The following GLI2 variants were observed in gnomAD, a reference collection of about 807,000 sequenced individuals.
The protein encoded by GLI2 is GLI family zinc finger 2, also known as transcription activator GLI2.
Under a neutral mutation model 78.9 loss-of-function variants are expected in GLI2, and 22 were observed. That is an observed-to-expected ratio of 0.28 (90% CI 0.20 to 0.40). GLI2 has a LOEUF of 0.40. Ranked by LOEUF, GLI2 falls within the 10% of genes least tolerant of loss-of-function variation. The probability of loss-of-function intolerance (pLI) is 1.00; values close to 1 mark genes in which losing one functional copy is unlikely to be tolerated. For synonymous variants in GLI2, 974 were observed against 963.7 expected (o/e 1.01, Z -0.20); for missense variants, 2,097 against 2,213.2 (o/e 0.95, Z 1.05).
intron 2 of GLI2, among the ~76,000 whole-genome samples, chr2:120,878,865 T>C (rs1026541395): frequency 1.3e-5 from 2 of 150,818 alleles, no homozygotes; most frequent in Non-Finnish European, 3.0e-5. Flanking sequence ...GAGGCAGAGG[T>C]TGCAGTGAAC....
chr2:120,871,739 C>G (rs1688441932), intron 2 of GLI2, among the ~76,000 whole-genome samples: 2 of 152,236 alleles, frequency 1.3e-5, no homozygotes, highest in African/African-American at 4.8e-5. Flanking sequence ...CCTGGGGTAG[C>G]AGCTACTTGC....
At chr2:120,845,932 A>T (rs967274040) in intron 2 of GLI2, among the ~76,000 whole-genome samples, 1 of 152,122 alleles carries the variant, frequency 6.6e-6, no homozygotes, top group African/African-American at 2.4e-5. Context: ...CAATTTACAG[A>T]TGGGAAAACT....
At chr2:120,806,462 A>C (rs1684955042) in intron 2 of GLI2, among the ~76,000 whole-genome samples, 1 of 149,810 alleles carries the variant, frequency 6.7e-6, no homozygotes. Context: ...GCAGTGTCTG[A>C]GCCTGGGGAC....
At chr2:120,924,008 A>ATCCTGAG (rs1420762243) in intron 2 of GLI2, among the ~76,000 whole-genome samples, 1 of 152,162 alleles carries the variant, frequency 6.6e-6, no homozygotes, top group Non-Finnish European at 1.5e-5. Flanking sequence ...TGAATCCTGA[A>ATCCTGAG]TCCTGAGCAG....
chr2:120,934,592 G>C (rs536412327), intron 3 of GLI2, among the ~76,000 whole-genome samples: 1 of 152,206 alleles, frequency 6.6e-6, no homozygotes. Flanking sequence ...CCAGGCCCAG[G>C]TATGTTAGGG....
chr2:120,794,148 C>G (rs1030804327), intron 1 of GLI2, among the ~76,000 whole-genome samples: 3 of 152,198 alleles, frequency 2.0e-5, no homozygotes, highest in Non-Finnish European at 4.4e-5. Flanking sequence ...AGGACATGAT[C>G]TGACTGCTTC....
intron 2 of GLI2, among the ~76,000 whole-genome samples, chr2:120,870,969 G>A (rs1461739188): frequency 6.6e-6 from 1 of 152,218 alleles, no homozygotes; most frequent in Non-Finnish European, 1.5e-5. Flanking sequence ...GGAACACTCA[G>A]GATTTTGAAC....
At chr2:120,906,089 C>T (rs1678517424) in intron 2 of GLI2, among the ~76,000 whole-genome samples, 1 of 152,234 alleles carries the variant, frequency 6.6e-6, no homozygotes, top group South Asian at 2.1e-4. Flanking sequence ...TGCCAGCAGC[C>T]ACACCTACTT....
Position 120,807,165 on chromosome 2 carries a change from C to T in GLI2, c.148+9697C>T, listed in dbSNP as rs766193395. On this transcript the variant is annotated intron_variant, in intron 2 of 13. Transcript: ENST00000361492. Reference sequence around the variant, plus strand: ...AGGGCTTGGGCAAGCCCCCTGGGGACGATGCAGGGAGCCATCAGCCCCAGG... The same window carrying T: ...AGGGCTTGGGCAAGCCCCCTGGGGATGATGCAGGGAGCCATCAGCCCCAGG... Among the ~76,000 whole-genome samples the T allele has an allele frequency of 1.8e-4, 28 of 152,128 alleles. No individual in the cohort carries two copies. In the East Asian group the frequency reaches 4.7e-3, roughly 25 times the overall value.
At chr2:120,925,376 T>G (rs1679613100) in intron 2 of GLI2, among the ~76,000 whole-genome samples, 1 of 152,130 alleles carries the variant, frequency 6.6e-6, no homozygotes, top group South Asian at 2.1e-4. Flanking sequence ...AGGAGAAAAA[T>G]TTCTTCCCAT....
intron 2 of GLI2, among the ~76,000 whole-genome samples, chr2:120,862,714 T>C (rs1293750356): frequency 1.3e-5 from 2 of 152,178 alleles, no homozygotes; most frequent in Non-Finnish European, 2.9e-5. Flanking sequence ...CACTGGTGCC[T>C]GTGCAGGGCA....
At chr2:120,968,691 G>GT in intron 5 of GLI2, 23 bp from the exon 6 acceptor site, 1 of 1,580,520 alleles carries the variant, frequency 6.3e-7, no homozygotes, top group Non-Finnish European at 8.7e-7. Context: ...ATGCTGACCT[G>GT]TCTTGTGTTG....
intron 1 of GLI2, among the ~76,000 whole-genome samples, chr2:120,784,478 G>A (rs1683938126): frequency 6.6e-6 from 1 of 152,106 alleles, no homozygotes; most frequent in Non-Finnish European, 1.5e-5. Flanking sequence ...GGCGAGTCCT[G>A]AGTTGGTGGC....
intron 1 of GLI2, among the ~76,000 whole-genome samples, chr2:120,739,900 AG>A (rs1431830155): frequency 6.6e-6 from 1 of 152,186 alleles, no homozygotes; most frequent in Non-Finnish European, 1.5e-5. Context: ...GAAATCGGGG[AG>A]GAAAAACTGC....
chr2:120,764,175 C>G (rs1247704682), intron 1 of GLI2, among the ~76,000 whole-genome samples: 1 of 152,216 alleles, frequency 6.6e-6, no homozygotes, highest in African/African-American at 2.4e-5. Context: ...TGGCACTGGG[C>G]ACAGAAGAGG....
intron 1 of GLI2, among the ~76,000 whole-genome samples, chr2:120,752,269 ATTTTTTT>A (rs192674460): frequency 0.02 from 2,600 of 129,944 alleles, 24 homozygotes; most frequent in Non-Finnish European, 0.029. Context: ...CCTATCTTTA[ATTTTTTT>A]TTTTTTTTTT....
intron 12 of GLI2, among the ~76,000 whole-genome samples, chr2:120,985,252 G>A (rs1682917874): frequency 6.6e-6 from 1 of 152,218 alleles, no homozygotes; most frequent in East Asian, 1.9e-4. Flanking sequence ...GGGAGTGAGG[G>A]TGGCTGGGGA....
rs370294059 is a variant in GLI2 at position 120,968,929 on chromosome 2, G to A, written c.845+14G>A. ...GGGTGCCCTCAGGTGAGCCCCGCCT[G>A]CAAGCAGAGAGCTGAGGACCAGAGC... On this transcript the variant is annotated intron_variant, in intron 6 of 13. Transcript: ENST00000361492. 5.2e-5 allele frequency: 84 copies of A among 1,601,208 alleles called. No homozygotes were observed. Among genetic ancestry groups the A allele is most frequent in the Admixed American group, 1.8e-4 (11 of 59,992 alleles).
chr2:120,826,743 C>T (rs1686083144), intron 2 of GLI2, among the ~76,000 whole-genome samples: 1 of 152,216 alleles, frequency 6.6e-6, no homozygotes, highest in African/African-American at 2.4e-5. Flanking sequence ...CCTATGGCCT[C>T]TTGACCCCAG....
Sources: gnomAD v4.1 joint callset for allele counts (sites outside exome capture counted in the v4.1 genomes callset) on GRCh38, gnomAD v4.1.1 for gene constraint, MANE v1.5 for transcripts, NCBI Gene and HGNC (gene_info 2026-07-23, HGNC 2026-07-21) for gene names.